The following RYR3 variants were observed in gnomAD, a reference collection of about 807,000 sequenced individuals.
RYR3 encodes brain ryanodine receptor-calcium release channel.
RYR3 carries 207 observed loss-of-function variants against 584.3 expected under a neutral mutation model. The ratio of observed to expected loss-of-function variants is 0.35; its 90% CI spans 0.32 to 0.40. RYR3 has a LOEUF of 0.40. Among genes scored for constraint, RYR3 ranks in the 10% least tolerant of loss-of-function variants. The pLI is 1.00. For synonymous variants in RYR3, 2,416 were observed against 2,248.5 expected (o/e 1.07, Z -2.11); for missense variants, 5,616 against 6,089.2 (o/e 0.92, Z 2.59).
At chr15:33,575,940 C>T (rs2058280818) in intron 12 of RYR3, among the ~76,000 whole-genome samples, 1 of 151,904 alleles carries the variant, frequency 6.6e-6, no homozygotes, top group South Asian at 2.1e-4. Context: ...TAGCATTGAC[C>T]CCACAGAAAT....
Position 33,785,957 on chromosome 15 carries a change from G to T in RYR3, c.9564G>T (p.Glu3188Asp). The T allele has an allele frequency of 6.3e-7, 1 of 1,598,496 alleles. No homozygotes were observed. The highest frequency in any genetic ancestry group is 8.5e-7 in the Non-Finnish European group (1 of 1,170,734). ...TCAACAACAACCTGGGCATCGATGA[G>T]GCCTCCTGGATGAAGCGCATTGCAG... is the stretch of plus-strand genomic sequence containing the variant. Reference protein sequence around the residue: ...KIINNNLGIDEASWMKRIAVY... With the variant: ...KIINNNLGIDDASWMKRIAVY... The change falls in exon 66 of 104, where the codon GAG (glutamate) becomes GAT (aspartate). Residue 3188 changes from glutamate to aspartate, a missense_variant. Coordinates refer to ENST00000634891, the MANE Select transcript of RYR3 (RefSeq NM_001036.6).
chr15:33,433,635 C>A (rs2045406102), intron 1 of RYR3, among the ~76,000 whole-genome samples: 1 of 152,116 alleles, frequency 6.6e-6, no homozygotes, highest in Admixed American at 6.5e-5. Context: ...TTTGAAGTAA[C>A]AAGTTTCACA....
At chr15:33,560,836 A>G (rs1018631907) in intron 10 of RYR3, among the ~76,000 whole-genome samples, 1 of 152,160 alleles carries the variant, frequency 6.6e-6, no homozygotes, top group Admixed American at 6.5e-5. Context: ...AAAATCAGAA[A>G]TATGTTTTTC....
intron 2 of RYR3, among the ~76,000 whole-genome samples, chr15:33,491,551 C>T (rs1194439349): frequency 6.6e-6 from 1 of 152,136 alleles, no homozygotes; most frequent in Non-Finnish European, 1.5e-5. Flanking sequence ...CCTAGTGTTG[C>T]CAAGTGAACT....
At chr15:33,373,492 C>T (rs1166483383) in intron 1 of RYR3, among the ~76,000 whole-genome samples, 2 of 152,200 alleles carry the variant, frequency 1.3e-5, no homozygotes, top group African/African-American at 2.4e-5. Context: ...AGTAGGTGAT[C>T]AACCTATGTT....
At chr15:33,441,528 C>G (rs2046230326) in intron 1 of RYR3, among the ~76,000 whole-genome samples, 1 of 152,050 alleles carries the variant, frequency 6.6e-6, no homozygotes, top group South Asian at 2.1e-4. Flanking sequence ...GTCATTTTCT[C>G]ATGGTCTTAT....
At chr15:33,807,798 G>C (rs867626012) in intron 70 of RYR3, 1 of 573,608 alleles carries the variant, frequency 1.7e-6, no homozygotes, top group East Asian at 2.9e-5. Context: ...CACCCTAACC[G>C]AGGTCTCCTT....
chr15:33,841,315 G>C (rs1156959638), intron 90 of RYR3, among the ~76,000 whole-genome samples: 1 of 152,188 alleles, frequency 6.6e-6, no homozygotes, highest in Non-Finnish European at 1.5e-5. Flanking sequence ...GTCAATGCAA[G>C]CAATTATTCT....
chr15:33,338,552 G>A (rs1595767188), intron 1 of RYR3, among the ~76,000 whole-genome samples: 1 of 152,244 alleles, frequency 6.6e-6, no homozygotes, highest in East Asian at 1.9e-4. Context: ...TTCCATTGCC[G>A]TGGTGAAATT....
intron 1 of RYR3, among the ~76,000 whole-genome samples, chr15:33,363,863 A>G (rs1321112347): frequency 1.3e-5 from 2 of 152,156 alleles, no homozygotes; most frequent in Non-Finnish European, 2.9e-5. Flanking sequence ...TTAAAATTTT[A>G]TTTAATTTTA....
chr15:33,356,830 A>G (rs1267007434), intron 1 of RYR3, among the ~76,000 whole-genome samples: 1 of 152,194 alleles, frequency 6.6e-6, no homozygotes, highest in African/African-American at 2.4e-5. Flanking sequence ...CTAATGTGGC[A>G]TATAGTAAGA....
chr15:33,628,379 A>G (rs2152622766), intron 20 of RYR3, 92 bp from the exon 21 acceptor site: 2 of 801,622 alleles, frequency 2.5e-6, no homozygotes, highest in Non-Finnish European at 4.2e-6. Flanking sequence ...CTCCTGGGTG[A>G]TGTGCCAATT....
At position 33,769,137 on chromosome 15, in the gene RYR3, C is replaced by A. The variant is rs1399258457; in HGVS notation, c.8781C>A (p.Ser2927Arg). Reference sequence around the variant, plus strand: ...GTAGTGATTCTACTACAATGGTGAGCTGTCTTCACATCTTAGCTCAGACAC... The same window carrying A: ...GTAGTGATTCTACTACAATGGTGAGATGTCTTCACATCTTAGCTCAGACAC... ...LFGSDSTTMV[S>R]CLHILAQTLD... The change falls in exon 62 of 104, where the codon AGC becomes AGA. Residue 2927 changes from serine to arginine, a missense_variant. By Grantham distance (110) the Ser-to-Arg change is moderately radical. Around this residue, in one of 9 missense-constraint regions of RYR3, gnomAD observed 1,280 missense variants for 1,426.2 expected, o/e 0.90. Coordinates refer to ENST00000634891, the MANE Select transcript of RYR3 (RefSeq NM_001036.6). 3 of 1,613,514 alleles carry A rather than the reference C, an allele frequency of 1.9e-6. No individual in the cohort carries two copies. The highest frequency in any genetic ancestry group is 2.5e-6 in the Non-Finnish European group (3 of 1,179,512).
chr15:33,728,902 A>G lies in RYR3; in HGVS notation c.7079A>G (p.Asp2360Gly). The change falls in exon 47 of 104, where the codon GAC (aspartate) becomes GGC (glycine). Residue 2360 changes from aspartate to glycine, a missense_variant. Transcript: ENST00000634891. ...GATATGGCGGCCAATTTCTGCCCTGACCACAAGGCACCTATGGTGCTGTTC... is the reference window on the plus strand; with the variant it reads ...GATATGGCGGCCAATTTCTGCCCTGGCCACAAGGCACCTATGGTGCTGTTC... Reference protein sequence around the residue: ...EPDMAANFCPDHKAPMVLFLD... With the variant: ...EPDMAANFCPGHKAPMVLFLD... 6.2e-7 allele frequency: 1 copy of G among 1,613,560 alleles called. No homozygotes were observed. The highest frequency in any genetic ancestry group is 1.3e-5 in the African/African-American group (1 of 75,042).
intron 38 of RYR3, among the ~76,000 whole-genome samples, chr15:33,676,833 A>G (rs553571877): frequency 2.0e-5 from 3 of 152,332 alleles, no homozygotes; most frequent in Non-Finnish European, 1.5e-5. Context: ...GCTTCACAGT[A>G]ATCGATGCTT....
At chr15:33,700,143 A>C (rs892548669) in intron 41 of RYR3, among the ~76,000 whole-genome samples, 5 of 152,194 alleles carry the variant, frequency 3.3e-5, no homozygotes, top group African/African-American at 1.2e-4. Flanking sequence ...TTGCAGGTAT[A>C]GTCTGGGGGC....
At chr15:33,684,281 G>T (rs1031851221) in intron 38 of RYR3, among the ~76,000 whole-genome samples, 2 of 152,170 alleles carry the variant, frequency 1.3e-5, no homozygotes, top group African/African-American at 4.8e-5. Flanking sequence ...CTGGGATGAA[G>T]TTTCTAGAGG....
intron 16 of RYR3, among the ~76,000 whole-genome samples, chr15:33,596,305 A>G (rs1290139949): frequency 6.6e-6 from 1 of 152,026 alleles, no homozygotes; most frequent in Non-Finnish European, 1.5e-5. Context: ...ATATAGCTTT[A>G]TATTCTAAAT....
At chr15:33,847,725 C>G (rs954398096) in intron 93 of RYR3, 2 of 152,292 alleles carry the variant, frequency 1.3e-5, no homozygotes. Context: ...ATGCCACTAC[C>G]TGGAAGGAGC....
Sources: allele counts gnomAD v4.1 joint callset (sites outside exome capture counted in the v4.1 genomes callset), GRCh38; gene constraint gnomAD v4.1.1; regional missense constraint gnomAD v4.1.1; transcripts MANE v1.5; gene names NCBI Gene and HGNC (gene_info 2026-07-23, HGNC 2026-07-21).